The following ADGRG1 variants were observed in gnomAD, a reference collection of about 807,000 sequenced individuals.
ADGRG1 encodes adhesion G protein-coupled receptor G1.
In ADGRG1, 53 loss-of-function variants were observed where a neutral mutation model predicts 73.5. The ratio of observed to expected loss-of-function variants is 0.72; its 90% CI spans 0.58 to 0.91. The LOEUF is 0.91. ADGRG1 is among the 40% of genes least tolerant of loss of function. The pLI is 0.00. For synonymous variants in ADGRG1, 394 were observed against 374.4 expected, an observed-to-expected ratio of 1.05 and a Z score of -0.60; for missense variants, 795 against 871.8, an observed-to-expected ratio of 0.91 and a Z score of 1.11.
chr16:57,654,435 C>A (rs74704760), intron 5 of ADGRG1, among the ~76,000 whole-genome samples: 1 of 59,738 alleles, frequency 1.7e-5, no homozygotes, highest in South Asian at 7.6e-4. Context: ...TTTTTTTTTT[C>A]GAGACAGGGT....
At chr16:57,636,347 G>A in intron 1 of ADGRG1, 2 of 985,402 alleles carry the variant, frequency 2.0e-6, no homozygotes, top group African/African-American at 1.7e-5. Context: ...CATAGGAAAG[G>A]CATGCGCTCC....
At chr16:57,655,634 C>T in intron 6 of ADGRG1, 104 bp downstream of exon 6, 1 of 1,590,796 alleles carries the variant, frequency 6.3e-7, no homozygotes, top group Non-Finnish European at 8.5e-7. Flanking sequence ...GAGTCAAAGC[C>T]TTTCCTTGTA....
chr16:57,660,596 TG>T, intron 11 of ADGRG1, 171 bp from the exon 12 acceptor site: 2 of 915,556 alleles, frequency 2.2e-6, no homozygotes, highest in Non-Finnish European at 1.3e-6. Flanking sequence ...CATACTGGAA[TG>T]GGGAGGGGGA....
intron 5 of ADGRG1, among the ~76,000 whole-genome samples, 174 bp downstream of exon 5, chr16:57,654,307 T>G (rs1389646205): frequency 6.6e-6 from 1 of 151,990 alleles, no homozygotes; most frequent in Non-Finnish European, 1.5e-5. Flanking sequence ...ACCGTGGGAT[T>G]GAGGACCCTG....
At chr16:57,645,382 C>G (rs577747130) in intron 1 of ADGRG1, 82 of 922,030 alleles carry the variant, frequency 8.9e-5, no homozygotes, top group East Asian at 7.1e-4. Flanking sequence ...CCACCACCCC[C>G]CAACCTGATG....
Position 57,635,797 on chromosome 16 carries a change from C to A in ADGRG1, c.-36+6995C>A, listed in dbSNP as rs2039205590. ...CCAGGGAAAGGAGTGCACCATGCTCCTTTGGATCCAGTTTTACGAGCTCTG... is the reference window on the plus strand; with the variant it reads ...CCAGGGAAAGGAGTGCACCATGCTCATTTGGATCCAGTTTTACGAGCTCTG... On this transcript the variant is annotated intron_variant, in intron 1 of 13. Coordinates refer to ENST00000562631, the MANE Select transcript of ADGRG1 (RefSeq NM_201525.4). The A allele has an allele frequency of 3.0e-6, 3 of 985,284 alleles. No individual in the cohort carries two copies. In the Admixed American group the frequency reaches 1.8e-4, roughly 61 times the overall value. The allele number at this position is 985,284 out of a possible 1,614,324, so 61.0% of individuals were successfully genotyped here.
chr16:57,652,586 G>A, intron 3 of ADGRG1: 2 of 980,684 alleles, frequency 2.0e-6, no homozygotes, highest in Non-Finnish European at 2.4e-6. Context: ...GCCTGTAGAG[G>A]GTTTTTAAAA....
chr16:57,644,865 C>A (rs1327408535), intron 1 of ADGRG1, among the ~76,000 whole-genome samples: 5 of 148,848 alleles, frequency 3.4e-5, no homozygotes, highest in Middle Eastern at 3.4e-3. Flanking sequence ...CACACCCATG[C>A]ACACACACAT....
chr16:57,662,776 C>G (rs2047538248), intron 13 of ADGRG1: 1 of 186,598 alleles, frequency 5.4e-6, no homozygotes, highest in African/African-American at 2.4e-5. Flanking sequence ...GTGCATGTAC[C>G]TGTGTGTGTA....
At chr16:57,631,058 C>G (rs56154222) in intron 1 of ADGRG1, 162,153 of 984,968 alleles carry the variant, frequency 0.16, 13,907 homozygotes, top group Middle Eastern at 0.23. Flanking sequence ...ACGGGGAGGG[C>G]CAGGATGGGT....
At chr16:57,637,275 A>G (rs1187716706) in intron 1 of ADGRG1, 1 of 981,390 alleles carries the variant, frequency 1.0e-6, no homozygotes, top group Admixed American at 6.2e-5. Flanking sequence ...TGTAGGTGTG[A>G]AGTAAGACAG....
At chr16:57,647,426 C>T (rs2042962340) in intron 1 of ADGRG1, 1 of 985,066 alleles carries the variant, frequency 1.0e-6, no homozygotes, top group African/African-American at 1.7e-5. Context: ...TAGGGGCAGG[C>T]ATGAGCTGTT....
intron 1 of ADGRG1, chr16:57,637,394 T>C: frequency 1.0e-6 from 1 of 985,212 alleles, no homozygotes; most frequent in Non-Finnish European, 1.2e-6. Context: ...GCTGTGCCTC[T>C]GTTTCTCCGG....
At chr16:57,631,025 GC>G in intron 1 of ADGRG1, 4 of 985,978 alleles carry the variant, frequency 4.1e-6, no homozygotes, top group Non-Finnish European at 4.8e-6. Context: ...GGGGCTGGGG[GC>G]CCAGGCTGCA....
intron 1 of ADGRG1, chr16:57,634,981 A>C (rs1400336074): frequency 3.0e-6 from 3 of 985,052 alleles, no homozygotes; most frequent in African/African-American, 1.8e-5. Flanking sequence ...ATCTTCAGAG[A>C]CCCCTGTCCA....
chr16:57,662,413 G>T (rs1597695595), intron 13 of ADGRG1, among the ~76,000 whole-genome samples: 1 of 73,366 alleles, frequency 1.4e-5, no homozygotes, highest in Non-Finnish European at 3.6e-5. Flanking sequence ...ATGGAGAGAT[G>T]GGGGGGCCTC....
upstream of ADGRG1, chr16:57,627,189 C>A: frequency 3.1e-6 from 2 of 635,744 alleles, no homozygotes; most frequent in African/African-American, 2.0e-5. Context: ...AGTTCACCTG[C>A]AGCAGCCCTG....
chr16:57,624,534 A>G (rs2035472380), upstream of ADGRG1, among the ~76,000 whole-genome samples: 1 of 152,172 alleles, frequency 6.6e-6, no homozygotes, highest in African/African-American at 2.4e-5. Context: ...CTGAGCAGGC[A>G]GTGGTTGCTC....
At chr16:57,635,518 C>T (rs190679731) in intron 1 of ADGRG1, 5 of 985,246 alleles carry the variant, frequency 5.1e-6, no homozygotes, top group African/African-American at 1.7e-5. Context: ...CCCAGGGTCC[C>T]GTCTCTGTCT....
Sources: gnomAD v4.1 joint callset for allele counts (sites outside exome capture counted in the v4.1 genomes callset) on GRCh38, gnomAD v4.1.1 for gene constraint, MANE v1.5 for transcripts, NCBI Gene and HGNC (gene_info 2026-07-23, HGNC 2026-07-21) for gene names.